Variants in CPXM2 observed in about 807,000 individuals in gnomAD.
The protein encoded by CPXM2 is carboxypeptidase X, M14 family member 2.
CPXM2 carries 66 observed loss-of-function variants against 86.1 expected under a neutral mutation model. The ratio of observed to expected loss-of-function variants is 0.77; its 90% CI spans 0.63 to 0.94. The LOEUF is 0.94. CPXM2 is among the 40% of genes least tolerant of loss of function. The pLI, the probability that CPXM2 is intolerant of heterozygous loss-of-function variation, is 0.00. For synonymous variants in CPXM2, 388 were observed against 400.2 expected, an observed-to-expected ratio of 0.97 and a Z score of 0.36; for missense variants, 948 against 1,026.3, an observed-to-expected ratio of 0.92 and a Z score of 1.04.
rs1159594875 is a variant in CPXM2 at position 123,766,212 on chromosome 10, A to C, written c.1479+761T>G. ...TCACATGCTGACATGGCAGAGACAG[A>C]GAGAGAGAGATGAATCCTGGGTTCC... On this transcript the variant is annotated intron_variant, in intron 10 of 13. Coordinates refer to ENST00000241305, the MANE Select transcript of CPXM2 (RefSeq NM_198148.3). Among the ~76,000 whole-genome samples, 6 of 132,912 alleles carry C rather than the reference A, an allele frequency of 4.5e-5. No individual in the cohort carries two copies. In the East Asian group the frequency reaches 1.8e-3, roughly 40 times the overall value. 87.2% of individuals were successfully genotyped at this position (132,912 alleles called of 152,430 possible).
chr10:123,862,483 A>G, intron 3 of CPXM2, 131 bp downstream of exon 3: 2 of 779,348 alleles, frequency 2.6e-6, no homozygotes, highest in Admixed American at 2.3e-5. Context: ...AGGATCATTC[A>G]GCAATATCCT....
chr10:123,871,052 T>C (rs896354854), intron 2 of CPXM2, among the ~76,000 whole-genome samples: 1 of 152,234 alleles, frequency 6.6e-6, no homozygotes, highest in African/African-American at 2.4e-5. Context: ...CTACAGTGGC[T>C]GATATCTGGA....
At chr10:123,932,786 C>T (rs190649851) in intron 2 of CPXM2, among the ~76,000 whole-genome samples, 78 of 152,280 alleles carry the variant, frequency 5.1e-4, no homozygotes, top group Non-Finnish European at 9.3e-4. Context: ...GGGAGTTTCT[C>T]GGCGTGGCAG....
At chr10:123,860,433 C>T (rs904844323) in intron 3 of CPXM2, among the ~76,000 whole-genome samples, 2 of 152,310 alleles carry the variant, frequency 1.3e-5, no homozygotes, top group Non-Finnish European at 2.9e-5. Context: ...GCACACCCTG[C>T]GTGGCACTCT....
At chr10:123,770,174 T>C (rs1846594086) in intron 8 of CPXM2, among the ~76,000 whole-genome samples, 1 of 152,182 alleles carries the variant, frequency 6.6e-6, no homozygotes, top group African/African-American at 2.4e-5. Flanking sequence ...CTCAGGAGGC[T>C]GAGGCAGGAG....
At chr10:123,792,089 A>T (rs1396773092) in intron 6 of CPXM2, among the ~76,000 whole-genome samples, 2 of 152,246 alleles carry the variant, frequency 1.3e-5, no homozygotes, top group African/African-American at 2.4e-5. Context: ...ATTTAGCACC[A>T]TTAGCGAGTC....
chr10:123,893,495 G>A (rs955888279), upstream of CPXM2, among the ~76,000 whole-genome samples: 5 of 152,218 alleles, frequency 3.3e-5, no homozygotes, highest in Non-Finnish European at 5.9e-5. Flanking sequence ...GAGAGGAGGA[G>A]GCTGCTGGTT....
intron 2 of CPXM2, among the ~76,000 whole-genome samples, chr10:123,912,350 G>A (rs1313735428): frequency 6.9e-6 from 1 of 144,392 alleles, no homozygotes; most frequent in Non-Finnish European, 1.5e-5. Flanking sequence ...TCATACCTAA[G>A]TAGCTACCCA....
chr10:123,822,552 T>C (rs900005255), intron 4 of CPXM2, among the ~76,000 whole-genome samples: 2 of 151,866 alleles, frequency 1.3e-5, no homozygotes, highest in Admixed American at 6.6e-5. Flanking sequence ...TAGCTTAATC[T>C]AGGGCGAGTT....
At chr10:123,917,422 T>C (rs1048703721) in intron 2 of CPXM2, among the ~76,000 whole-genome samples, 3 of 152,254 alleles carry the variant, frequency 2.0e-5, no homozygotes, top group African/African-American at 7.2e-5. Flanking sequence ...ATCAGGGAGT[T>C]GGAGAGAGCC....
intron 13 of CPXM2, chr10:123,752,695 AG>A: frequency 1.2e-6 from 1 of 837,280 alleles, no homozygotes; most frequent in Non-Finnish European, 1.4e-6. Context: ...ATGGAAATAA[AG>A]GAAGGAGCAC....
At chr10:123,781,184 C>T (rs1481299989) in intron 6 of CPXM2, among the ~76,000 whole-genome samples, 1 of 152,214 alleles carries the variant, frequency 6.6e-6, no homozygotes, top group Non-Finnish European at 1.5e-5. Context: ...GCTGAAGCAC[C>T]CTGGCGGGTA....
At chr10:123,936,879 T>C (rs1304614987) in intron 2 of CPXM2, among the ~76,000 whole-genome samples, 1 of 152,114 alleles carries the variant, frequency 6.6e-6, no homozygotes, top group Non-Finnish European at 1.5e-5. Flanking sequence ...TCTTGACTTT[T>C]TTCTCCATCA....
chr10:123,880,980 G>A (rs1264529513), intron 1 of CPXM2, among the ~76,000 whole-genome samples: 1 of 151,730 alleles, frequency 6.6e-6, no homozygotes, highest in African/African-American at 2.4e-5. Context: ...ACCCTGCTGG[G>A]CTTCTCCAAC....
intron 4 of CPXM2, among the ~76,000 whole-genome samples, chr10:123,824,217 C>A (rs1465926389): frequency 1.6e-4 from 25 of 152,200 alleles, no homozygotes; most frequent in Non-Finnish European, 1.5e-5. Flanking sequence ...TTTTTACTTT[C>A]CATTGCCTGG....
At chr10:123,848,305 C>G (rs1035887400) in intron 3 of CPXM2, among the ~76,000 whole-genome samples, 2 of 152,208 alleles carry the variant, frequency 1.3e-5, no homozygotes, top group Non-Finnish European at 2.9e-5. Context: ...ATCTGCTGAT[C>G]CTTCTGCAAA....
intron 11 of CPXM2, among the ~76,000 whole-genome samples, chr10:123,758,438 T>G (rs997385014): frequency 6.6e-6 from 1 of 152,124 alleles, no homozygotes; most frequent in African/African-American, 2.4e-5. Context: ...CGGGCTTCTC[T>G]TCTTCTGTCT....
At chr10:123,928,108 G>T (rs1278401451) in intron 2 of CPXM2, among the ~76,000 whole-genome samples, 3 of 152,154 alleles carry the variant, frequency 2.0e-5, no homozygotes, top group African/African-American at 7.2e-5. Flanking sequence ...ACTCCTATCA[G>T]CCTGCCTTCT....
In CPXM2 at chr10:123,798,116, C is replaced by T. The variant is rs1210324555; in HGVS notation, c.749G>A (p.Gly250Glu). The change falls in exon 6 of 14, where the codon GGA (glycine) becomes GAA (glutamate). Residue 250 changes from glycine (G) to glutamate (E), a missense_variant. Gly to Glu is a moderately conservative substitution (Grantham distance 98). Transcript: ENST00000241305. ...KNGSGDMIFEGNSEKEIPVLN... is the reference protein window; with the variant it reads ...KNGSGDMIFEENSEKEIPVLN... ...AACAGGGATCTCCTTCTCACTGTTT[C>T]CCTCAAATATCTATTTATGCTCATG... is the stretch of plus-strand genomic sequence containing the variant. The T allele has an allele frequency of 1.9e-6, 3 of 1,603,254 alleles. No individual in the cohort carries two copies. Among genetic ancestry groups the T allele is most frequent in the Non-Finnish European group, 2.6e-6 (3 of 1,175,266 alleles).
Sources: gnomAD v4.1 joint callset for allele counts (sites outside exome capture counted in the v4.1 genomes callset) on GRCh38, gnomAD v4.1.1 for gene constraint, MANE v1.5 for transcripts, NCBI Gene and HGNC (gene_info 2026-07-23, HGNC 2026-07-21) for gene names.